The following TTC13 variants were observed in gnomAD, a reference collection of about 807,000 sequenced individuals.
TTC13 encodes the protein tetratricopeptide repeat domain 13.
Under a neutral mutation model 120.0 loss-of-function variants are expected in TTC13, and 62 were observed. The observed-to-expected ratio is 0.52, with a 90% CI of 0.42 to 0.64. The LOEUF (loss-of-function observed/expected upper bound fraction) is 0.64, where lower values mean the gene tolerates loss of function less well. TTC13 is among the 30% of genes least tolerant of loss of function. TTC13 has a pLI of 0.00. For synonymous variants in TTC13, 384 were observed against 393.5 expected (o/e 0.98, Z 0.28); for missense variants, 824 against 1,050.2 (o/e 0.78, Z 2.98).
At chr1:230,959,127 A>T (rs12733011) in intron 2 of TTC13, among the ~76,000 whole-genome samples, 48,429 of 152,084 alleles carry the variant, frequency 0.32, 7,817 homozygotes, top group Middle Eastern at 0.48. Context: ...TGAAGCTGGG[A>T]AAAAAAGCAA....
chr1:230,967,171 C>T (rs201517297), intron 1 of TTC13, among the ~76,000 whole-genome samples: 1 of 98,924 alleles, frequency 1.0e-5, no homozygotes, highest in Non-Finnish European at 2.3e-5. Context: ...AATTTAGCAC[C>T]TTATTATACT....
intron 20 of TTC13, 39 bp from the exon 21 acceptor site, chr1:230,909,059 G>A (rs753284363): frequency 4.6e-5 from 71 of 1,533,716 alleles, no homozygotes; most frequent in Middle Eastern, 3.4e-4. Context: ...CATCCTGGAC[G>A]GTCTACAGTT....
chr1:230,933,936 TTTAA>T, intron 8 of TTC13, 75 bp from the exon 9 acceptor site: 2 of 933,090 alleles, frequency 2.1e-6, no homozygotes, highest in Non-Finnish European at 3.2e-6. Flanking sequence ...CATAAAAGGA[TTTAA>T]ATATATATCC....
Position 230,923,949 on chromosome 1 carries a change from C to T in TTC13, c.1722-16G>A, listed in dbSNP as rs755095215. On this transcript the variant is annotated splice_polypyrimidine_tract_variant and intron_variant, in intron 14 of 22. Transcript: ENST00000366661. ...GTCAGCAATCCTATAAAACAGAGAC[C>T]TTTATAAAACCAGAAGTGTTCAGAA... 6.3e-7 allele frequency: 1 copy of T among 1,597,386 alleles called. No homozygotes were observed. Among genetic ancestry groups the T allele is most frequent in the African/African-American group, 1.3e-5 (1 of 74,424 alleles).
chr1:230,973,795 G>A (rs1677992995), intron 1 of TTC13, among the ~76,000 whole-genome samples: 1 of 152,102 alleles, frequency 6.6e-6, no homozygotes, highest in African/African-American at 2.4e-5. Context: ...AAGAGCAGAG[G>A]GGCCGGGCGT....
Position 230,912,705 on chromosome 1 carries a change from T to C in TTC13, c.2147A>G (p.Gln716Arg). Reference protein sequence around the residue: ...VETQTTEERTQLYHAEIDALY... With the variant: ...VETQTTEERTRLYHAEIDALY... ...TGCATCTATTTCAGCATGATATAAT[T>C]GTGTCCTTTCTTCCGTGGTTTGAGT... is the stretch of plus-strand genomic sequence containing the variant. Residue 716 changes from glutamine to arginine, a missense_variant, in exon 19 of 23, where the codon CAA (glutamine) becomes CGA (arginine). This residue lies in a region of TTC13 where 226 missense variants were observed against 259.1 expected (regional missense o/e 0.87). Coordinates refer to ENST00000366661, the MANE Select transcript of TTC13 (RefSeq NM_024525.5). 6.2e-7 allele frequency: 1 copy of C among 1,612,808 alleles called. No homozygotes were observed.
intron 11 of TTC13, among the ~76,000 whole-genome samples, chr1:230,930,095 T>C (rs1052206983): frequency 2.6e-5 from 4 of 152,258 alleles, no homozygotes; most frequent in African/African-American, 9.6e-5. Context: ...GAACCTACTT[T>C]CTTAACTATA....
intron 17 of TTC13, among the ~76,000 whole-genome samples, chr1:230,919,718 T>TA (rs1413163021): frequency 2.6e-5 from 4 of 152,340 alleles, no homozygotes; most frequent in Admixed American, 2.6e-4. Context: ...GGCCTTACTG[T>TA]AAAGTATGGT....
In TTC13 at chr1:230,918,452, A is replaced by G. The variant is rs189133670; in HGVS notation, c.1983+2058T>C. ...TGCCCCAATTTCTGCATACTGAGAT[A>G]CACTGTGTGGACACTGTGTGGACTG... is the stretch of plus-strand genomic sequence containing the variant. On this transcript the variant is annotated intron_variant, in intron 17 of 22. Transcript: ENST00000366661. Among the ~76,000 whole-genome samples, 13 of 152,314 alleles carry G rather than the reference A, an allele frequency of 8.5e-5. No homozygotes were observed. The East Asian group carries it at 2.5e-3, about 29-fold the overall frequency.
intron 2 of TTC13, 71 bp from the exon 3 acceptor site, chr1:230,958,370 G>A (rs980505541): frequency 8.8e-5 from 132 of 1,496,592 alleles, no homozygotes; most frequent in Admixed American, 1.9e-4. Context: ...ATTAAAATCT[G>A]TATTTTAAAA....
At chr1:230,950,029 T>G (rs528354971) in intron 4 of TTC13, among the ~76,000 whole-genome samples, 1 of 152,336 alleles carries the variant, frequency 6.6e-6, no homozygotes, top group Non-Finnish European at 1.5e-5. Context: ...ATCTACAGTC[T>G]AGTATTAAGC....
At chr1:230,963,430 G>GGAGTTTGA (rs55856450) in intron 1 of TTC13, among the ~76,000 whole-genome samples, 105,614 of 151,000 alleles carry the variant, frequency 0.7, 37,478 homozygotes, top group African/African-American at 0.82. Flanking sequence ...CTTGAGCCCA[G>GGAGTTTGA]GAGTTTGAGA....
At chr1:230,910,104 C>T (rs1279295946) in intron 20 of TTC13, among the ~76,000 whole-genome samples, 1 of 152,152 alleles carries the variant, frequency 6.6e-6, no homozygotes, top group Admixed American at 6.6e-5. Context: ...GAAAGGATGG[C>T]ACGAGCACCT....
Position 230,923,909 on chromosome 1 carries a change from C to G in TTC13, c.1746G>C (p.Val582=), listed in dbSNP as rs761527969. The G allele has an allele frequency of 6.2e-7, 1 of 1,613,924 alleles. No individual in the cohort carries two copies. Among genetic ancestry groups the G allele is most frequent in the East Asian group, 2.2e-5 (1 of 44,870 alleles). The change falls in exon 15 of 23, where the codon GTG becomes GTC. Residue 582 remains valine, a synonymous_variant. Coordinates refer to ENST00000366661, the MANE Select transcript of TTC13 (RefSeq NM_024525.5). ...WRRIADPDQP[V]LWLDQMPARS... ...GTGCTGGCATTTGATCTAACCACAG[C>G]ACGGGCTGGTCTGGGTCAGCAATCC...
chr1:230,935,556 G>A lies in TTC13; in HGVS notation c.901-1695C>T, dbSNP rs950446381. Among the ~76,000 whole-genome samples, 7 of 152,142 alleles carry A rather than the reference G, an allele frequency of 4.6e-5. No homozygotes were observed. In the South Asian group the frequency reaches 1.2e-3, roughly 27 times the overall value. ...ACAGTGGCACAGATCACTCAGAAAT[G>A]GTACAGGAGTGCAGGGTGCATGGGT... On this transcript the variant is annotated intron_variant, in intron 8 of 22. Coordinates refer to ENST00000366661, the MANE Select transcript of TTC13 (RefSeq NM_024525.5).
intron 1 of TTC13, among the ~76,000 whole-genome samples, chr1:230,970,184 T>C (rs537633478): frequency 6.6e-6 from 1 of 152,346 alleles, no homozygotes; most frequent in South Asian, 2.1e-4. Flanking sequence ...AGTTTAGGTA[T>C]AGCAGTGTCT....
chr1:230,969,846 A>G (rs1677542419), intron 1 of TTC13, among the ~76,000 whole-genome samples: 1 of 152,254 alleles, frequency 6.6e-6, no homozygotes, highest in South Asian at 2.1e-4. Context: ...AAGGATTGTT[A>G]AATGTTAGTA....
At chr1:230,938,565 T>C (rs6667425) in intron 8 of TTC13, among the ~76,000 whole-genome samples, 136,636 of 152,234 alleles carry the variant, frequency 0.9, 61,420 homozygotes, top group East Asian at 0.98. Context: ...GTCAGGCAGT[T>C]CTCAAGCAAT....
intron 18 of TTC13, among the ~76,000 whole-genome samples, chr1:230,913,664 A>G (rs746371864): frequency 1.7e-4 from 26 of 152,328 alleles, no homozygotes; most frequent in Non-Finnish European, 2.5e-4. Flanking sequence ...TTATTATGAA[A>G]CCATGACTCA....
Sources: gnomAD v4.1 joint callset for allele counts (sites outside exome capture counted in the v4.1 genomes callset) on GRCh38, gnomAD v4.1.1 for gene constraint, gnomAD v4.1.1 regional missense constraint, MANE v1.5 for transcripts, NCBI Gene and HGNC (gene_info 2026-07-23, HGNC 2026-07-21) for gene names.